PAM: variants seen among roughly 807,000 people sequenced by gnomAD.
PAM encodes the protein peptidylglycine alpha-amidating monooxygenase.
Under a neutral mutation model 122.1 loss-of-function variants are expected in PAM, and 72 were observed. That is an observed-to-expected ratio of 0.59 (90% CI 0.49 to 0.72). The LOEUF (loss-of-function observed/expected upper bound fraction) is 0.72. Among genes scored for constraint, PAM ranks in the 30% least tolerant of loss-of-function variants. The probability of loss-of-function intolerance (pLI) is 0.00; values close to 1 mark genes in which losing one functional copy is unlikely to be tolerated. For synonymous variants in PAM, 389 were observed against 404.4 expected, an observed-to-expected ratio of 0.96 and a Z score of 0.46; for missense variants, 1,106 against 1,183.7, an observed-to-expected ratio of 0.93 and a Z score of 0.96.
intron 15 of PAM, among the ~76,000 whole-genome samples, chr5:102,977,658 G>GCACACACACACA (rs10527378): frequency 6.3e-4 from 90 of 143,040 alleles, no homozygotes; most frequent in South Asian, 3.8e-3. Flanking sequence ...ATGCATGTGC[G>GCACACACACACA]CACACACACA....
intron 1 of PAM, among the ~76,000 whole-genome samples, chr5:102,820,162 G>A (rs1482066605): frequency 6.6e-6 from 1 of 152,032 alleles, no homozygotes; most frequent in Non-Finnish European, 1.5e-5. Context: ...TCTTGGAAAA[G>A]TTAAAGTTTC....
chr5:102,851,755 C>G (rs1481969871), intron 1 of PAM, among the ~76,000 whole-genome samples: 1 of 152,146 alleles, frequency 6.6e-6, no homozygotes, highest in East Asian at 1.9e-4. Context: ...GCCTTGAGTT[C>G]AAGAGAAATA....
At chr5:102,783,768 T>TAGA (rs1302052970) in intron 1 of PAM, among the ~76,000 whole-genome samples, 1 of 152,144 alleles carries the variant, frequency 6.6e-6, no homozygotes, top group African/African-American at 2.4e-5. Flanking sequence ...GGAAGATGAA[T>TAGA]AGAACCCAGC....
intron 5 of PAM, among the ~76,000 whole-genome samples, chr5:102,918,100 T>G (rs1338132129): frequency 6.6e-5 from 10 of 152,096 alleles, no homozygotes; most frequent in African/African-American, 2.4e-4. Context: ...AATTCCAAAT[T>G]AACATACCTC....
At chr5:102,808,626 C>A (rs1287295482) in intron 1 of PAM, among the ~76,000 whole-genome samples, 1 of 151,814 alleles carries the variant, frequency 6.6e-6, no homozygotes, top group African/African-American at 2.4e-5. Flanking sequence ...TATGTTTTAC[C>A]CAGTTTAAAT....
intron 9 of PAM, 67 bp downstream of exon 9, chr5:102,948,512 G>A (rs372531134): frequency 4.0e-6 from 3 of 746,116 alleles, no homozygotes; most frequent in Non-Finnish European, 4.6e-6. Flanking sequence ...GATTTATACT[G>A]TATTTTTTAT....
chr5:103,029,792 CA>C, downstream of PAM: 1 of 152,358 alleles, frequency 6.6e-6, no homozygotes, highest in East Asian at 1.9e-4. Context: ...CACAAACCCA[CA>C]AATATTAGTG....
chr5:102,936,407 G>C (rs554139597), intron 7 of PAM, among the ~76,000 whole-genome samples: 1 of 152,216 alleles, frequency 6.6e-6, no homozygotes, highest in South Asian at 2.1e-4. Context: ...TTTGCAGACT[G>C]TTACCCATTA....
chr5:102,835,985 G>A (rs986747343), intron 1 of PAM, among the ~76,000 whole-genome samples: 1 of 152,104 alleles, frequency 6.6e-6, no homozygotes, highest in African/African-American at 2.4e-5. Flanking sequence ...TACCTTTCTA[G>A]TCAAAGGGAA....
chr5:102,993,342 T>A (rs1213389511), intron 16 of PAM, among the ~76,000 whole-genome samples: 1 of 152,126 alleles, frequency 6.6e-6, no homozygotes, highest in Non-Finnish European at 1.5e-5. Flanking sequence ...TAATAACTGT[T>A]CCTGAGTTTC....
At chr5:102,784,827 G>A (rs1193982510) in intron 1 of PAM, among the ~76,000 whole-genome samples, 4 of 152,038 alleles carry the variant, frequency 2.6e-5, no homozygotes, top group Admixed American at 1.3e-4. Context: ...GTTGTTATTC[G>A]TTTACTAGGA....
intron 1 of PAM, among the ~76,000 whole-genome samples, chr5:102,772,060 G>C (rs930982322): frequency 3.3e-5 from 5 of 152,012 alleles, no homozygotes; most frequent in African/African-American, 4.8e-5. Flanking sequence ...GCGTGACCTT[G>C]GGCAAATTAC....
chr5:102,766,649 A>G lies in PAM; in HGVS notation c.-374+11301A>G, dbSNP rs550521877. Among the ~76,000 whole-genome samples the G allele has an allele frequency of 5.3e-5, 8 of 152,334 alleles. No individual in the cohort carries two copies. In the South Asian group the frequency reaches 1.7e-3, roughly 32 times the overall value. ...GGACACCTGATATAAGGAAAAATAA[A>G]TGAAATACTTGATAAAAGTTGCATG... On this transcript the variant is annotated intron_variant, in intron 1 of 25. Coordinates refer to ENST00000438793, the MANE Select transcript of PAM (RefSeq NM_001177306.2).
At position 103,007,192 on chromosome 5, in the gene PAM, T is replaced by TACACACACACACACACACACAC. The variant is rs56140031; in HGVS notation, c.2014+190_2014+211dup. ...ACACACACACACACACACATATACA[T>TACACACACACACACACACACAC]ACACACACACACACACACACACACA... is the stretch of plus-strand genomic sequence containing the variant. On this transcript the variant is annotated intron_variant, in intron 19 of 25. Transcript: ENST00000438793. Among the ~76,000 whole-genome samples, 411 of 141,546 alleles carry TACACACACACACACACACACAC rather than the reference T, an allele frequency of 2.9e-3. 5 individuals carry two copies. The highest frequency in any genetic ancestry group is 0.017 in the Admixed American group (229 of 13,224). 92.9% of individuals were successfully genotyped at this position (141,546 alleles called of 152,430 possible).
chr5:102,912,365 C>T (rs950261676), intron 4 of PAM, among the ~76,000 whole-genome samples: 4 of 151,826 alleles, frequency 2.6e-5, no homozygotes, highest in African/African-American at 9.7e-5. Flanking sequence ...GTAGTATAAA[C>T]AGTTTAATAA....
chr5:102,768,551 TG>T (rs1754821302), intron 1 of PAM, among the ~76,000 whole-genome samples: 1 of 152,164 alleles, frequency 6.6e-6, no homozygotes, highest in African/African-American at 2.4e-5. Context: ...TTCAATTGTT[TG>T]TATTTTTAGT....
At position 102,960,001 on chromosome 5, in the gene PAM, G is replaced by C; in HGVS notation, c.1032G>C (p.Glu344Asp). Residue 344 changes from glutamate (E) to aspartate (D), a missense_variant, in exon 13 of 26, where the codon GAG becomes GAC. Glu to Asp is a conservative substitution (Grantham distance 45, BLOSUM62 2). Around this residue, in one of 3 missense-constraint regions of PAM, gnomAD observed 670 missense variants for 690.3 expected, o/e 0.97. Coordinates refer to ENST00000438793, the MANE Select transcript of PAM (RefSeq NM_001177306.2). ...ATATGTTCAGAACCATACCACCAGA[G>C]GCCAACATTCCAATTCCCGTGAAGT... is the stretch of plus-strand genomic sequence containing the variant. ...APDMFRTIPP[E>D]ANIPIPVKSD... 6.2e-7 allele frequency: 1 copy of C among 1,612,244 alleles called. No homozygotes were observed.
At chr5:102,757,150 A>G (rs1750649076) in intron 1 of PAM, among the ~76,000 whole-genome samples, 1 of 152,126 alleles carries the variant, frequency 6.6e-6, no homozygotes, top group Non-Finnish European at 1.5e-5. Flanking sequence ...ACATGGTGAA[A>G]TCCCATCTCT....
At chr5:103,021,513 C>T (rs1034935505) in intron 23 of PAM, among the ~76,000 whole-genome samples, 1 of 152,148 alleles carries the variant, frequency 6.6e-6, no homozygotes, top group Non-Finnish European at 1.5e-5. Flanking sequence ...GCCATTTCCT[C>T]TCTCCTGTGT....
Sources: allele counts gnomAD v4.1 joint callset (sites outside exome capture counted in the v4.1 genomes callset), GRCh38; gene constraint gnomAD v4.1.1; regional missense constraint gnomAD v4.1.1; transcripts MANE v1.5; gene names NCBI Gene and HGNC (gene_info 2026-07-23, HGNC 2026-07-21).